The following HEXA variants were observed in gnomAD, a reference collection of about 807,000 sequenced individuals.
HEXA encodes beta-hexosaminidase subunit alpha.
A neutral mutation model predicts 73.3 loss-of-function variants in HEXA; 54 were observed. The observed-to-expected ratio is 0.74, with a 90% CI of 0.59 to 0.92. The LOEUF is 0.92. HEXA is among the 40% of genes least tolerant of loss of function. The pLI, the probability that HEXA is intolerant of heterozygous loss-of-function variation, is 0.00. For synonymous variants in HEXA, 230 were observed against 246.9 expected, an observed-to-expected ratio of 0.93 and a Z score of 0.64; for missense variants, 649 against 653.0, an observed-to-expected ratio of 0.99 and a Z score of 0.07.
chr15:72,373,571 T>C (rs906070557), intron 1 of HEXA, among the ~76,000 whole-genome samples: 1 of 152,232 alleles, frequency 6.6e-6, no homozygotes, highest in Non-Finnish European at 1.5e-5. Flanking sequence ...ATAAACATCT[T>C]ATTGAATTTA....
chr15:72,351,845 T>G (rs2088702210), intron 5 of HEXA: 1 of 145,794 alleles, frequency 6.9e-6, no homozygotes, highest in Non-Finnish European at 1.5e-5. Context: ...TGAGACAGAG[T>G]CTTGCTGTGT....
In HEXA at chr15:72,349,157, GTGCTCATGAAC is replaced by G. The variant is rs780105682; in HGVS notation, c.897_907del (p.Glu299AspfsTer21). The G allele has an allele frequency of 6.2e-7, 1 of 1,613,936 alleles. No homozygotes were observed. Among genetic ancestry groups the G allele is most frequent in the South Asian group, 1.1e-5 (1 of 91,080 alleles). The stretch of plus-strand genomic sequence containing the variant: ...GACAGAGCTGACTTCTAAGAAGAAT[GTGCTCATGAAC>G]TCATAGGTATTATTGAGACTGGGAT... On this transcript the variant is annotated frameshift_variant, in exon 8 of 14. Transcript: ENST00000268097. LOFTEE classifies it high-confidence loss of function.
chr15:72,346,643 T>C lies in HEXA; in HGVS notation c.1214A>G (p.Glu405Gly). 6.2e-7 allele frequency: 1 copy of C among 1,614,108 alleles called. No individual in the cohort carries two copies. The highest frequency in any genetic ancestry group is 8.5e-7 in the Non-Finnish European group (1 of 1,179,998). The change falls in exon 11 of 14, where the codon GAA becomes GGA. Residue 405 changes from glutamate (E) to glycine (G), a missense_variant. By Grantham distance (98) the Glu-to-Gly change is moderately conservative. Coordinates refer to ENST00000268097, the MANE Select transcript of HEXA (RefSeq NM_000520.6). Reference protein sequence around the residue: ...DIPVNYMKELELVTKAGFRAL... With the variant: ...DIPVNYMKELGLVTKAGFRAL... ...CCGGAAGCCGGCCTTGGTGACCAGT[T>C]CCAGCTCCTTCATATAGTTCACTGG...
intron 6 of HEXA, chr15:72,350,932 T>G (rs2088686698): frequency 1.6e-6 from 1 of 638,884 alleles, no homozygotes; most frequent in East Asian, 2.7e-5. Flanking sequence ...CAGAAGAGAT[T>G]CTCTCCTGAA....
At chr15:72,358,483 T>G (rs2088813228) in intron 1 of HEXA, 1 of 152,338 alleles carries the variant, frequency 6.6e-6, no homozygotes, top group Non-Finnish European at 1.5e-5. Flanking sequence ...AAAAATTTAT[T>G]TTTCTAAAAG....
chr15:72,352,669 T>C (rs1182809753), intron 5 of HEXA, among the ~76,000 whole-genome samples: 2 of 151,610 alleles, frequency 1.3e-5, no homozygotes, highest in Non-Finnish European at 2.9e-5. Context: ...ATACAATTTT[T>C]TTTTTTTTTT....
chr15:72,360,888 A>G (rs2088844068), intron 1 of HEXA, among the ~76,000 whole-genome samples: 1 of 152,212 alleles, frequency 6.6e-6, no homozygotes, highest in African/African-American at 2.4e-5. Context: ...TAATACATGT[A>G]AAGTGCTTAG....
intron 2 of HEXA, among the ~76,000 whole-genome samples, 174 bp downstream of exon 2, chr15:72,356,351 A>T (rs796585849): frequency 1.2e-4 from 19 of 152,306 alleles, no homozygotes; most frequent in African/African-American, 4.6e-4. Flanking sequence ...GCACTGGTTA[A>T]GTTTCTGCAT....
At chr15:72,351,027 T>C in intron 6 of HEXA, 106 bp downstream of exon 6, 1 of 781,360 alleles carries the variant, frequency 1.3e-6, no homozygotes, top group South Asian at 1.4e-5. Flanking sequence ...CCTATATTGG[T>C]CTAAAACTGG....
intron 1 of HEXA, among the ~76,000 whole-genome samples, chr15:72,364,962 C>T (rs1330227904): frequency 6.6e-6 from 1 of 151,932 alleles, no homozygotes; most frequent in East Asian, 1.9e-4. Context: ...GCTAAGACTA[C>T]AAGCGTGCAC....
At chr15:72,371,591 GAAAA>G (rs11299619) in intron 1 of HEXA, among the ~76,000 whole-genome samples, 4 of 121,986 alleles carry the variant, frequency 3.3e-5, no homozygotes, top group African/African-American at 1.2e-4. Context: ...GTCTCTAAAA[GAAAA>G]AAAAAAAAAA....
intron 1 of HEXA, chr15:72,357,118 T>C: frequency 3.9e-6 from 1 of 256,872 alleles, no homozygotes; most frequent in Non-Finnish European, 7.8e-6. Flanking sequence ...AAGATTTTCT[T>C]GATGAAGAGA....
chr15:72,359,199 A>T (rs1293719184), intron 1 of HEXA: 2 of 152,158 alleles, frequency 1.3e-5, no homozygotes, highest in Admixed American at 1.3e-4. Context: ...TTCCCTGTAA[A>T]CAATGGCAGG....
intron 1 of HEXA, chr15:72,357,166 TTGAA>T: frequency 4.7e-6 from 1 of 211,400 alleles, no homozygotes. Flanking sequence ...TCTTATCTCA[TTGAA>T]GATTGGCATA....
At chr15:72,355,249 G>A (rs961011910) in intron 3 of HEXA, 19 of 388,664 alleles carry the variant, frequency 4.9e-5, no homozygotes, top group Non-Finnish European at 9.3e-5. Context: ...TTCCTGGCTG[G>A]GCGCGGTGGC....
intron 1 of HEXA, among the ~76,000 whole-genome samples, chr15:72,374,000 C>T (rs12899150): frequency 6.2e-5 from 9 of 144,446 alleles, no homozygotes; most frequent in Non-Finnish European, 1.2e-4. Flanking sequence ...TAAAGCGAGA[C>T]TCCGTCTCAA....
Position 72,342,482 on chromosome 15 carries a change from G to A in HEXA, c.*1595C>T, listed in dbSNP as rs1486069141. On this transcript the variant is annotated 3_prime_UTR_variant, in exon 14 of 14. Coordinates refer to ENST00000268097, the MANE Select transcript of HEXA (RefSeq NM_000520.6). ...TACCCCAGCCCAGGGCCCAGCCAAAGAACTTAACAAATAACCGCCAAGGAA... is the reference window on the plus strand; with the variant it reads ...TACCCCAGCCCAGGGCCCAGCCAAAAAACTTAACAAATAACCGCCAAGGAA... The A allele has an allele frequency of 6.6e-6, 1 of 152,294 alleles. No individual in the cohort carries two copies. Among genetic ancestry groups the A allele is most frequent in the Non-Finnish European group, 1.5e-5 (1 of 68,128 alleles). The allele number at this position is 152,294 out of a possible 1,614,324, so 9.4% of individuals were successfully genotyped here.
intron 3 of HEXA, 169 bp downstream of exon 3, chr15:72,355,388 TGG>T: frequency 1.5e-6 from 1 of 671,870 alleles, no homozygotes; most frequent in Non-Finnish European, 2.7e-6. Context: ...TAGCTGGGCA[TGG>T]TGGCAGGCAC....
At chr15:72,374,132 G>C (rs1305728513) in intron 1 of HEXA, among the ~76,000 whole-genome samples, 2 of 151,494 alleles carry the variant, frequency 1.3e-5, no homozygotes, top group African/African-American at 4.9e-5. Context: ...TTTCGCAATT[G>C]AACTATAGAG....
Sources: gnomAD v4.1 joint callset for allele counts (sites outside exome capture counted in the v4.1 genomes callset) on GRCh38, gnomAD v4.1.1 for gene constraint, MANE v1.5 for transcripts, NCBI Gene and HGNC (gene_info 2026-07-23, HGNC 2026-07-21) for gene names.